Variants in TRHDE observed in about 807,000 individuals in gnomAD.
TRHDE encodes thyrotropin releasing hormone degrading enzyme, also known as thyrotropin-releasing hormone-degrading ectoenzyme.
Under a neutral mutation model 125.7 loss-of-function variants are expected in TRHDE, and 72 were observed. That is an observed-to-expected ratio of 0.57 (90% CI 0.47 to 0.70). The LOEUF is 0.70. Among genes scored for constraint, TRHDE ranks in the 30% least tolerant of loss-of-function variants. The pLI, the probability that TRHDE is intolerant of heterozygous loss-of-function variation, is 0.00. For missense variants in TRHDE, 1,110 were observed against 1,327.1 expected (o/e 0.84, Z 2.54); for synonymous variants, 509 against 509.1 (o/e 1.00, Z 0.00).
At chr12:72,183,934 C>T (rs945226849) in intron 2 of TRHDE, among the ~76,000 whole-genome samples, 4 of 152,036 alleles carry the variant, frequency 2.6e-5, no homozygotes, top group Admixed American at 2.6e-4. Flanking sequence ...CTTTTAAAAT[C>T]TACTCACTCA....
chr12:72,109,728 A>G (rs749178757), intron 2 of TRHDE, among the ~76,000 whole-genome samples: 23 of 152,088 alleles, frequency 1.5e-4, no homozygotes, highest in Non-Finnish European at 2.8e-4. Flanking sequence ...TTCTCCTTAT[A>G]TTTGTGGAAA....
At chr12:72,640,139 T>C (rs1328896867) in intron 15 of TRHDE, among the ~76,000 whole-genome samples, 2 of 152,212 alleles carry the variant, frequency 1.3e-5, no homozygotes, top group Non-Finnish European at 2.9e-5. Context: ...CAGACTGCTG[T>C]GCTAGCAATC....
rs76735719 is a variant in TRHDE, at chr12:72,490,499, C to G, written c.1585-8999C>G. ...TACCCAAAGGAAATGGAATCACCGT[C>G]TTGTAAAGATATCTATACTTCAGTG... On this transcript the variant is annotated intron_variant, in intron 5 of 18. Transcript: ENST00000261180. 2.7e-3 allele frequency among the ~76,000 whole-genome samples: 416 copies of G among 151,788 alleles called. 1 individual carries two copies. Among genetic ancestry groups the G allele is most frequent in the African/African-American group, 9.4e-3 (389 of 41,504 alleles).
At chr12:72,660,171 T>A (rs1874861539) in intron 18 of TRHDE, among the ~76,000 whole-genome samples, 1 of 152,200 alleles carries the variant, frequency 6.6e-6, no homozygotes, top group Non-Finnish European at 1.5e-5. Context: ...CGTTTTCTTC[T>A]ACGCACTTAT....
intron 3 of TRHDE, among the ~76,000 whole-genome samples, chr12:72,449,385 A>G (rs1487134203): frequency 6.6e-6 from 1 of 152,024 alleles, no homozygotes; most frequent in East Asian, 1.9e-4. Context: ...TTGTTTATTT[A>G]GTATTTACCT....
intron 12 of TRHDE, among the ~76,000 whole-genome samples, chr12:72,577,055 G>T (rs1217026325): frequency 1.3e-5 from 2 of 152,106 alleles, no homozygotes; most frequent in East Asian, 3.9e-4. Flanking sequence ...AAAATCTGAA[G>T]TCTTTGTAGA....
chr12:72,313,317 C>T (rs1051788605), intron 2 of TRHDE, among the ~76,000 whole-genome samples: 15 of 151,736 alleles, frequency 9.9e-5, no homozygotes, highest in African/African-American at 3.6e-4. Flanking sequence ...AAATATTTGA[C>T]CACATATTAA....
chr12:72,567,973 A>G (rs767469143), intron 9 of TRHDE, among the ~76,000 whole-genome samples: 1 of 152,094 alleles, frequency 6.6e-6, no homozygotes, highest in Non-Finnish European at 1.5e-5. Context: ...TCAAGCTAGA[A>G]ATTCCATTTC....
intron 3 of TRHDE, among the ~76,000 whole-genome samples, chr12:72,413,902 T>C (rs1873621817): frequency 6.6e-6 from 1 of 152,112 alleles, no homozygotes; most frequent in Non-Finnish European, 1.5e-5. Context: ...TTCCTTTGTT[T>C]ATAAAATTGT....
At chr12:72,167,126 C>T (rs1221037382) in intron 2 of TRHDE, among the ~76,000 whole-genome samples, 1 of 152,114 alleles carries the variant, frequency 6.6e-6, no homozygotes, top group Admixed American at 6.6e-5. Context: ...TTCTTAAAAT[C>T]AAGTGAACAT....
chr12:72,240,305 T>A (rs201960063), intron 2 of TRHDE, among the ~76,000 whole-genome samples: 3 of 111,350 alleles, frequency 2.7e-5, no homozygotes, highest in Non-Finnish European at 2.2e-5. Flanking sequence ...TTCTCACATT[T>A]TATATATATA....
intron 1 of TRHDE, among the ~76,000 whole-genome samples, chr12:72,093,484 T>C (rs1045048909): frequency 6.6e-6 from 1 of 152,168 alleles, no homozygotes; most frequent in African/African-American, 2.4e-5. Flanking sequence ...TGATGTTCCA[T>C]AGGTCCCTAA....
chr12:72,228,549 C>T (rs1013697283), intron 2 of TRHDE, among the ~76,000 whole-genome samples: 8 of 152,104 alleles, frequency 5.3e-5, no homozygotes, highest in African/African-American at 1.9e-4. Context: ...AGACATTTTC[C>T]CCATTGTCTT....
intron 7 of TRHDE, among the ~76,000 whole-genome samples, chr12:72,546,925 T>C (rs1869445709): frequency 6.6e-6 from 1 of 151,724 alleles, no homozygotes; most frequent in African/African-American, 2.4e-5. Context: ...CCTCCTTCTT[T>C]ACTGCTATCC....
intron 2 of TRHDE, among the ~76,000 whole-genome samples, chr12:72,147,015 C>A (rs998889350): frequency 6.6e-6 from 1 of 152,112 alleles, no homozygotes; most frequent in African/African-American, 2.4e-5. Context: ...GAACTCCCCT[C>A]GGCATCCAGA....
Position 72,621,640 on chromosome 12 carries a change from C to G in TRHDE, c.2568-4C>G, listed in dbSNP as rs1290006465. On this transcript the variant is annotated splice_polypyrimidine_tract_variant and splice_region_variant and intron_variant, in intron 14 of 18. Coordinates refer to ENST00000261180, the MANE Select transcript of TRHDE (RefSeq NM_013381.3). The stretch of plus-strand genomic sequence containing the variant: ...TAATTTGTTTCCCTTTTGATGATAT[C>G]TAGAGAACTACGTAGAGAAGTTATA... The G allele has an allele frequency of 1.3e-6, 2 of 1,597,224 alleles. No homozygotes were observed.
At chr12:72,402,649 G>T (rs769426928) in intron 3 of TRHDE, among the ~76,000 whole-genome samples, 15 of 152,122 alleles carry the variant, frequency 9.9e-5, no homozygotes, top group Non-Finnish European at 1.8e-4. Flanking sequence ...TCCAAGTAAG[G>T]TCACATTCAC....
intron 15 of TRHDE, among the ~76,000 whole-genome samples, chr12:72,628,540 T>C (rs1361502019): frequency 6.6e-6 from 1 of 151,896 alleles, no homozygotes; most frequent in Non-Finnish European, 1.5e-5. Flanking sequence ...AATCAGTTTG[T>C]TTTGTTTTTA....
chr12:72,407,804 A>G lies in TRHDE; in HGVS notation c.1315+29683A>G, dbSNP rs570099649. 2.6e-5 allele frequency among the ~76,000 whole-genome samples: 4 copies of G among 152,316 alleles called. No homozygotes were observed. The East Asian group carries it at 5.8e-4, about 22-fold the overall frequency. On this transcript the variant is annotated intron_variant, in intron 3 of 18. Transcript: ENST00000261180. ...AAGTGTAGTAGACAGCACATTTCTT[A>G]TAGATCTGGGAACCCCAAGGAATGA...
Sources: gnomAD v4.1 joint callset for allele counts (sites outside exome capture counted in the v4.1 genomes callset) on GRCh38, gnomAD v4.1.1 for gene constraint, MANE v1.5 for transcripts, NCBI Gene and HGNC (gene_info 2026-07-23, HGNC 2026-07-21) for gene names.